Variants in ACBD6 observed in about 807,000 individuals in gnomAD.
ACBD6 encodes acyl-CoA-binding domain-containing protein 6.
A neutral mutation model predicts 37.2 loss-of-function variants in ACBD6; 28 were observed. That is an observed-to-expected ratio of 0.75 (90% CI 0.56 to 1.03). The LOEUF is 1.03. ACBD6 is among the 50% of genes least tolerant of loss of function. The pLI is 0.00. For missense variants in ACBD6, 340 were observed against 337.4 expected (o/e 1.01, Z -0.06); for synonymous variants, 113 against 126.8 (o/e 0.89, Z 0.73).
chr1:180,292,907 T>C (rs1447623538), intron 7 of ACBD6, among the ~76,000 whole-genome samples: 2 of 149,650 alleles, frequency 1.3e-5, no homozygotes, highest in African/African-American at 5.1e-5. Context: ...TATTTTGTTG[T>C]GAGTTTTTGT....
At chr1:180,278,143 GA>G in intron 9 of ACBD6, 1 of 152,316 alleles carries the variant, frequency 6.6e-6, no homozygotes, top group East Asian at 1.9e-4. Context: ...TTATAACCAT[GA>G]AAATAATGAC....
chr1:180,372,241 T>C (rs375881284), intron 6 of ACBD6, among the ~76,000 whole-genome samples: 2 of 152,106 alleles, frequency 1.3e-5, no homozygotes, highest in Non-Finnish European at 2.9e-5. Context: ...CTTTTTATTA[T>C]ATAAATATTT....
At chr1:180,485,128 A>G (rs997925003) in intron 3 of ACBD6, among the ~76,000 whole-genome samples, 1 of 151,924 alleles carries the variant, frequency 6.6e-6, no homozygotes, top group Admixed American at 6.6e-5. Flanking sequence ...GAGGGTATGT[A>G]ATTTTAGATC....
At position 180,410,332 on chromosome 1, in the gene ACBD6, G is replaced by A. The variant is rs533628811; in HGVS notation, c.573+3034C>T. Among the ~76,000 whole-genome samples the A allele has an allele frequency of 3.3e-5, 5 of 152,312 alleles. No homozygotes were observed. In the East Asian group the frequency reaches 7.7e-4, roughly 24 times the overall value. On this transcript the variant is annotated intron_variant, in intron 5 of 7. Transcript: ENST00000367595. ...GATAAAGGTGACTACACTCAACAAC[G>A]ATCCTCAATGTAGAGAAAATAGACT...
chr1:180,332,227 T>A (rs978374520), intron 6 of ACBD6, among the ~76,000 whole-genome samples: 1 of 152,192 alleles, frequency 6.6e-6, no homozygotes, highest in African/African-American at 2.4e-5. Flanking sequence ...AGGAAATTAA[T>A]ACCCCACATC....
At chr1:180,277,444 T>A (rs1649101579) in intron 9 of ACBD6, 1 of 152,188 alleles carries the variant, frequency 6.6e-6, no homozygotes, top group African/African-American at 2.4e-5. Flanking sequence ...CTGCAGTGCC[T>A]GGCTGGTCGA....
At chr1:180,383,057 T>C (rs1214806571) in intron 6 of ACBD6, among the ~76,000 whole-genome samples, 1 of 152,110 alleles carries the variant, frequency 6.6e-6, no homozygotes, top group Non-Finnish European at 1.5e-5. Flanking sequence ...ATATAAAAGC[T>C]ATATGACAAA....
chr1:180,498,714 C>G (rs1651828228), intron 1 of ACBD6, among the ~76,000 whole-genome samples: 1 of 151,992 alleles, frequency 6.6e-6, no homozygotes. Flanking sequence ...AAAAATCAAT[C>G]AGGTGCGGTG....
chr1:180,315,962 A>C (rs1650783006), intron 6 of ACBD6, among the ~76,000 whole-genome samples: 1 of 152,106 alleles, frequency 6.6e-6, no homozygotes, highest in South Asian at 2.1e-4. Flanking sequence ...AAAGATAATA[A>C]ACTCTAAGAA....
chr1:180,456,437 G>C (rs1192937663), intron 3 of ACBD6, among the ~76,000 whole-genome samples: 1 of 152,052 alleles, frequency 6.6e-6, no homozygotes, highest in Non-Finnish European at 1.5e-5. Flanking sequence ...CATTAATGTG[G>C]GTACAGTAAT....
At chr1:180,395,992 A>G (rs1457100218) in intron 6 of ACBD6, among the ~76,000 whole-genome samples, 1 of 152,216 alleles carries the variant, frequency 6.6e-6, no homozygotes, top group East Asian at 1.9e-4. Flanking sequence ...TGACACATGC[A>G]ACCACATGGA....
chr1:180,297,833 C>T (rs1340627781), intron 7 of ACBD6, among the ~76,000 whole-genome samples: 1 of 152,162 alleles, frequency 6.6e-6, no homozygotes, highest in Non-Finnish European at 1.5e-5. Context: ...CTCTGCCTCC[C>T]GGGTTCGAGC....
chr1:180,363,028 C>T (rs1448585601), intron 6 of ACBD6, among the ~76,000 whole-genome samples: 2 of 152,092 alleles, frequency 1.3e-5, no homozygotes, highest in Non-Finnish European at 2.9e-5. Flanking sequence ...TAGCCAAGGG[C>T]GGGCTCTGGC....
chr1:180,339,604 C>A (rs1286728949), intron 6 of ACBD6, among the ~76,000 whole-genome samples: 1 of 152,044 alleles, frequency 6.6e-6, no homozygotes, highest in Non-Finnish European at 1.5e-5. Flanking sequence ...ATGGGTGCAG[C>A]ACACCAACAT....
At chr1:180,322,915 GGTTT>G (rs1446873025) in intron 6 of ACBD6, among the ~76,000 whole-genome samples, 1 of 149,842 alleles carries the variant, frequency 6.7e-6, no homozygotes. Context: ...ACTAATTTTG[GGTTT>G]GTTTACTCTT....
At chr1:180,369,867 ACAC>A (rs1359645623) in intron 6 of ACBD6, among the ~76,000 whole-genome samples, 2 of 152,228 alleles carry the variant, frequency 1.3e-5, no homozygotes, top group African/African-American at 4.8e-5. Context: ...TTCCTGCCAC[ACAC>A]AAGTTTCTAG....
intron 5 of ACBD6, among the ~76,000 whole-genome samples, chr1:180,412,355 A>G (rs982655986): frequency 5.3e-5 from 8 of 152,188 alleles, no homozygotes; most frequent in Non-Finnish European, 1.2e-4. Context: ...ATTACATATA[A>G]GTTGATTATT....
At chr1:180,386,105 G>A (rs1377897786) in intron 6 of ACBD6, among the ~76,000 whole-genome samples, 1 of 152,184 alleles carries the variant, frequency 6.6e-6, no homozygotes, top group African/African-American at 2.4e-5. Context: ...AAGTGGCAGA[G>A]GTTGCAGTGA....
intron 7 of ACBD6, among the ~76,000 whole-genome samples, chr1:180,310,267 G>A (rs1202488243): frequency 6.6e-6 from 1 of 152,122 alleles, no homozygotes; most frequent in Non-Finnish European, 1.5e-5. Context: ...GGCTGAGGCA[G>A]AAGGATTGCT....
Sources: gnomAD v4.1 joint callset for allele counts (sites outside exome capture counted in the v4.1 genomes callset) on GRCh38, gnomAD v4.1.1 for gene constraint, MANE v1.5 for transcripts, NCBI Gene and HGNC (gene_info 2026-07-23, HGNC 2026-07-21) for gene names.